PIWIL1: variants seen among roughly 807,000 people sequenced by gnomAD.
PIWIL1 encodes piwi-like protein 1.
PIWIL1 carries 73 observed loss-of-function variants against 114.4 expected under a neutral mutation model. The observed-to-expected ratio is 0.64, with a 90% confidence interval of 0.53 to 0.78. The LOEUF is 0.78. Ranked by LOEUF, PIWIL1 falls within the 30% of genes least tolerant of loss-of-function variation. The probability of loss-of-function intolerance (pLI) is 0.00; values close to 1 mark genes in which losing one functional copy is unlikely to be tolerated. For synonymous variants in PIWIL1, 375 were observed against 369.0 expected (o/e 1.02, Z -0.19); for missense variants, 723 against 1,063.1 (o/e 0.68, Z 4.45).
chr12:130,394,952 A>G, the PIWIL1 span, among the ~76,000 whole-genome samples: 5 of 152,190 alleles, frequency 3.3e-5, no homozygotes, highest in African/African-American at 2.4e-5. Flanking sequence ...TTGTGCCTTT[A>G]CAGGTCAGGA....
the PIWIL1 span, among the ~76,000 whole-genome samples, chr12:130,406,528 CT>C: frequency 6.6e-6 from 1 of 152,192 alleles, no homozygotes; most frequent in African/African-American, 2.4e-5. Context: ...ATTTTTAAAG[CT>C]AGTGAAATGG....
rs573114769 is a variant in PIWIL1, at chr12:130,367,364, T to C, written c.2321+106T>C. On this transcript the variant is annotated intron_variant, in intron 19 of 20. Transcript: ENST00000245255. Reference sequence around the variant, plus strand: ...TTAATACATTTTACTTTTGTTCTTATATTTTTTATAAACATTAATTTTTTC... The same window carrying C: ...TTAATACATTTTACTTTTGTTCTTACATTTTTTATAAACATTAATTTTTTC... 1,676 of 1,094,380 alleles carry C rather than the reference T, an allele frequency of 1.5e-3. 7 individuals carry two copies. The Middle Eastern group carries it at 0.015, about 10-fold the overall frequency. The allele number at this position is 1,094,380 out of a possible 1,614,324, so 67.8% of individuals were successfully genotyped here.
chr12:130,374,257 A>C (rs1057061600), downstream of PIWIL1, among the ~76,000 whole-genome samples: 1 of 152,214 alleles, frequency 6.6e-6, no homozygotes, highest in African/African-American at 2.4e-5. Context: ...CTCTCTCCTC[A>C]GAGTCAAATA....
At chr12:130,408,292 C>T in the PIWIL1 span, among the ~76,000 whole-genome samples, 3 of 152,196 alleles carry the variant, frequency 2.0e-5, no homozygotes, top group African/African-American at 7.2e-5. Context: ...GTCATGCTCC[C>T]CTAAGCATAG....
In PIWIL1 at chr12:130,372,202, A is replaced by AT. The variant is rs1253344243; in HGVS notation, c.*608dup. 2 of 152,190 alleles carry AT rather than the reference A, an allele frequency of 1.3e-5. No individual in the cohort carries two copies. The highest frequency in any genetic ancestry group is 6.5e-5 in the Admixed American group (1 of 15,278). 9.4% of individuals were successfully genotyped at this position (152,190 alleles called of 1,614,324 possible). A position where few individuals can be genotyped will look rare whatever the true frequency, so the allele number is the denominator to read the frequency against. On this transcript the variant is annotated 3_prime_UTR_variant, in exon 21 of 21. Coordinates refer to ENST00000245255, the MANE Select transcript of PIWIL1 (RefSeq NM_004764.5). ...AAATTTTTAAATTGTCCAAAGAAAC[A>AT]TTTTAAGACTCTTTAACAAAAAAGG... is the stretch of plus-strand genomic sequence containing the variant.
the PIWIL1 span, among the ~76,000 whole-genome samples, chr12:130,402,094 C>A: frequency 2.6e-5 from 4 of 152,332 alleles, no homozygotes; most frequent in African/African-American, 4.8e-5. Context: ...CACGTCAGAA[C>A]GCACATGTAC....
chr12:130,349,991 C>G (rs1187584663), intron 9 of PIWIL1, 24 bp downstream of exon 9: 2 of 1,285,050 alleles, frequency 1.6e-6, no homozygotes, highest in East Asian at 2.3e-5. Context: ...GGTTAGATCT[C>G]AGGAGAAATC....
chr12:130,363,723 T>C (rs1216703853), intron 18 of PIWIL1, among the ~76,000 whole-genome samples: 1 of 150,118 alleles, frequency 6.7e-6, no homozygotes, highest in African/African-American at 2.5e-5. Context: ...GTTCAAGTGA[T>C]TCTCCTGCCC....
At chr12:130,424,554 C>T in the PIWIL1 span, 6 of 1,231,874 alleles carry the variant, frequency 4.9e-6, no homozygotes, top group Middle Eastern at 3.1e-4. The surrounding 1 kb of genome is among the most constrained non-coding windows in gnomAD (Gnocchi z 9.8). Context: ...GAACCGACAG[C>T]CCCTGTCTTC....
chr12:130,421,817 C>T, the PIWIL1 span, among the ~76,000 whole-genome samples: 7 of 151,906 alleles, frequency 4.6e-5, no homozygotes, highest in South Asian at 8.3e-4. Flanking sequence ...TGATTGATTC[C>T]AATAATAGAA....
chr12:130,411,221 T>C, the PIWIL1 span, among the ~76,000 whole-genome samples: 2 of 152,214 alleles, frequency 1.3e-5, no homozygotes, highest in African/African-American at 4.8e-5. Flanking sequence ...CTACACTCCA[T>C]TTGTTAGTTC....
the PIWIL1 span, among the ~76,000 whole-genome samples, chr12:130,416,033 G>A: frequency 3.5e-4 from 53 of 152,178 alleles, no homozygotes; most frequent in Middle Eastern, 3.4e-3. Flanking sequence ...AACCAAGGAG[G>A]TGAAAGATCT....
chr12:130,399,824 A>C, the PIWIL1 span: 1 of 1,613,970 alleles, frequency 6.2e-7, no homozygotes, highest in Admixed American at 1.7e-5. Flanking sequence ...CTAAAACACC[A>C]GGGGTGAGGC....
chr12:130,412,574 T>A, the PIWIL1 span: 157 of 1,572,194 alleles, frequency 1.0e-4, no homozygotes, highest in African/African-American at 1.9e-3. Context: ...AGGTGTTTTG[T>A]GGGATAAAAT....
chr12:130,424,466 TC>T, the PIWIL1 span: 1 of 1,231,940 alleles, frequency 8.1e-7, no homozygotes, highest in Non-Finnish European at 1.0e-6. This position sits in a 1 kb window ranked among gnomAD's most constrained non-coding sequence, Gnocchi z 9.8. Flanking sequence ...CCACGGTGTT[TC>T]CGAAGCCAAA....
the PIWIL1 span, among the ~76,000 whole-genome samples, chr12:130,390,864 C>T: frequency 6.6e-6 from 1 of 152,150 alleles, no homozygotes; most frequent in Non-Finnish European, 1.5e-5. Flanking sequence ...TTGGCCTGGT[C>T]GTTGTCTCTC....
the PIWIL1 span, among the ~76,000 whole-genome samples, chr12:130,400,758 T>A: frequency 6.6e-6 from 1 of 152,090 alleles, no homozygotes; most frequent in Admixed American, 6.6e-5. Context: ...CCAGAACATA[T>A]AAAGAACATC....
At chr12:130,409,648 T>C in the PIWIL1 span, among the ~76,000 whole-genome samples, 1 of 152,136 alleles carries the variant, frequency 6.6e-6, no homozygotes. Flanking sequence ...CGGCCCAGAA[T>C]GTAGCTTTTG....
At chr12:130,401,981 C>A in the PIWIL1 span, among the ~76,000 whole-genome samples, 1 of 152,214 alleles carries the variant, frequency 6.6e-6, no homozygotes, top group African/African-American at 2.4e-5. Flanking sequence ...GCCAGGCCTC[C>A]AGGCCAGCCC....
Sources: gnomAD v4.1 joint callset for allele counts (sites outside exome capture counted in the v4.1 genomes callset) on GRCh38, gnomAD v4.1.1 for gene constraint, Gnocchi (gnomAD v3.1) non-coding constraint, MANE v1.5 for transcripts, NCBI Gene and HGNC (gene_info 2026-07-23, HGNC 2026-07-21) for gene names.